STX7: variants seen among roughly 807,000 people sequenced by gnomAD.
STX7 encodes syntaxin-7.
Under a neutral mutation model 39.6 loss-of-function variants are expected in STX7, and 34 were observed. The observed-to-expected ratio is 0.86, with a 90% confidence interval of 0.65 to 1.14. The LOEUF is 1.14. STX7 is among the 50% of genes most tolerant of loss of function. The pLI, the probability that STX7 is intolerant of heterozygous loss-of-function variation, is 0.00. For synonymous variants in STX7, 119 were observed against 99.1 expected, an observed-to-expected ratio of 1.20 and a Z score of -1.19; for missense variants, 284 against 310.4, an observed-to-expected ratio of 0.92 and a Z score of 0.64.
intron 9 of STX7, chr6:132,461,731 C>G (rs1774408600): frequency 6.0e-6 from 7 of 1,167,314 alleles, no homozygotes; most frequent in Non-Finnish European, 5.9e-6. Flanking sequence ...AACCACAGAG[C>G]AAACAAAATC....
Position 132,447,500 on chromosome 6 carries a change from T to C in STX7, c.*13258A>G, listed in dbSNP as rs998351066. On this transcript the variant is annotated 3_prime_UTR_variant, in exon 10 of 10. Transcript: ENST00000367941. The stretch of plus-strand genomic sequence containing the variant: ...CAACTTTGGTTACCATGTTGTTCTA[T>C]TTACTTTTTTGCTGCTCGAGCTAAA... The C allele has an allele frequency of 2.6e-5, 4 of 152,180 alleles. No homozygotes were observed. The highest frequency in any genetic ancestry group is 5.9e-5 in the Non-Finnish European group (4 of 68,026). The allele number at this position is 152,180 out of a possible 1,614,324, so 9.4% of individuals were successfully genotyped here. A position where few individuals can be genotyped will look rare whatever the true frequency, so the allele number is the denominator to read the frequency against.
In STX7 at chr6:132,454,838, T is replaced by C. The variant is rs912188029; in HGVS notation, c.*5920A>G. 9 of 152,146 alleles carry C rather than the reference T, an allele frequency of 5.9e-5. No homozygotes were observed. The highest frequency in any genetic ancestry group is 1.3e-4 in the Non-Finnish European group (9 of 68,014). 9.4% of individuals were successfully genotyped at this position (152,146 alleles called of 1,614,324 possible). On this transcript the variant is annotated 3_prime_UTR_variant, in exon 10 of 10. Transcript: ENST00000367941. ...CAAGATAGAACTAACGTGAATGATA[T>C]ATAACTAAGGTTATCTTACTATTAG...
chr6:132,485,501 G>T (rs1582666186), intron 2 of STX7, among the ~76,000 whole-genome samples: 1 of 152,128 alleles, frequency 6.6e-6, no homozygotes, highest in African/African-American at 2.4e-5. Context: ...CTTTGTATGG[G>T]CATATATTTA....
Position 132,456,086 on chromosome 6 carries a change from T to C in STX7, c.*4672A>G, listed in dbSNP as rs1248179651. The C allele has an allele frequency of 6.6e-6, 1 of 152,186 alleles. No homozygotes were observed. Among genetic ancestry groups the C allele is most frequent in the Non-Finnish European group, 1.5e-5 (1 of 68,036 alleles). 9.4% of individuals were successfully genotyped at this position (152,186 alleles called of 1,614,324 possible). The stretch of plus-strand genomic sequence containing the variant: ...TCTATACATATCCTGTAAATGTCTG[T>C]CCTGATGATCAGGATGCCCAAGCTC... On this transcript the variant is annotated 3_prime_UTR_variant, in exon 10 of 10. Transcript: ENST00000367941.
At position 132,468,125 on chromosome 6, in the gene STX7, T is replaced by A. The variant is rs184969012; in HGVS notation, c.610+278A>T. Among the ~76,000 whole-genome samples the A allele has an allele frequency of 1.1e-4, 16 of 152,330 alleles. No individual in the cohort carries two copies. The East Asian group carries it at 3.1e-3, about 29-fold the overall frequency. ...CCCTGGAAATAAGCTGGAATAATGT[T>A]TCATGGTGCCTTCCATGGTCTTGGC... On this transcript the variant is annotated intron_variant, in intron 8 of 9. Transcript: ENST00000367941.
In STX7 at chr6:132,458,517, T is replaced by C. The variant is rs2114337355; in HGVS notation, c.*2241A>G. 1 of 152,340 alleles carries C rather than the reference T, an allele frequency of 6.6e-6. No individual in the cohort carries two copies. Among genetic ancestry groups the C allele is most frequent in the Middle Eastern group, 3.4e-3 (1 of 294 alleles). The allele number at this position is 152,340 out of a possible 1,614,324, so 9.4% of individuals were successfully genotyped here. A position where few individuals can be genotyped will look rare whatever the true frequency, so the allele number is the denominator to read the frequency against. ...TTTTGAGCACACAAAAACAAATGTA[T>C]AGTCACTTGATGAGGAAATTCTTCA... On this transcript the variant is annotated 3_prime_UTR_variant, in exon 10 of 10. Transcript: ENST00000367941.
intron 2 of STX7, among the ~76,000 whole-genome samples, chr6:132,496,735 C>T (rs1016399080): frequency 6.6e-6 from 1 of 152,116 alleles, no homozygotes; most frequent in Non-Finnish European, 1.5e-5. Context: ...TTGGAAGGTT[C>T]GAGAGCTTAC....
At chr6:132,485,583 A>G (rs1283422162) in intron 2 of STX7, among the ~76,000 whole-genome samples, 1 of 152,230 alleles carries the variant, frequency 6.6e-6, no homozygotes, top group African/African-American at 2.4e-5. Context: ...GCTTTCTTAA[A>G]TCAGTCAAAC....
intron 1 of STX7, among the ~76,000 whole-genome samples, chr6:132,510,611 T>C (rs573303578): frequency 6.6e-6 from 1 of 152,352 alleles, no homozygotes; most frequent in Non-Finnish European, 1.5e-5. Context: ...ACTAGACACC[T>C]TTCAAATGTT....
chr6:132,480,138 G>A (rs912289517), intron 2 of STX7, among the ~76,000 whole-genome samples: 3 of 152,080 alleles, frequency 2.0e-5, no homozygotes, highest in East Asian at 1.9e-4. Context: ...CAATCAAGGT[G>A]TTCCACACAC....
At chr6:132,512,168 A>G (rs1329572624) in intron 1 of STX7, among the ~76,000 whole-genome samples, 1 of 152,214 alleles carries the variant, frequency 6.6e-6, no homozygotes, top group African/African-American at 2.4e-5. Flanking sequence ...TTTCATAATT[A>G]CTTTCTTTTC....
intron 2 of STX7, among the ~76,000 whole-genome samples, chr6:132,477,992 A>C (rs1774916222): frequency 6.6e-6 from 1 of 152,184 alleles, no homozygotes; most frequent in Non-Finnish European, 1.5e-5. Context: ...AAAGCAGTTG[A>C]GAATATAATT....
In STX7 at chr6:132,452,554, T is replaced by C. The variant is rs749966522; in HGVS notation, c.*8204A>G. The C allele has an allele frequency of 5.6e-4, 85 of 152,150 alleles. No individual in the cohort carries two copies. The highest frequency in any genetic ancestry group is 2.0e-3 in the African/African-American group (83 of 41,546). The allele number at this position is 152,150 out of a possible 1,614,324, so 9.4% of individuals were successfully genotyped here. On this transcript the variant is annotated 3_prime_UTR_variant, in exon 10 of 10. Transcript: ENST00000367941. ...CTCAATAAGGTCTCAGTATACAAAA[T>C]AGAAAAATTCACTTTATTTCTATGT...
intron 2 of STX7, among the ~76,000 whole-genome samples, chr6:132,484,166 C>T (rs910244319): frequency 6.6e-6 from 1 of 152,202 alleles, no homozygotes; most frequent in African/African-American, 2.4e-5. Context: ...ATCTGTACCA[C>T]TACTCACTTC....
chr6:132,482,695 T>C lies in STX7; in HGVS notation c.86-7033A>G, dbSNP rs1435179235. Among the ~76,000 whole-genome samples the C allele has an allele frequency of 2.0e-5, 3 of 152,258 alleles. No homozygotes were observed. The East Asian group carries it at 5.8e-4, about 29-fold the overall frequency. ...GAAGAAGTAATTTGAAGGAGTTGAA[T>C]TGAGATGTTAGATGTTTCCAGCAGT... On this transcript the variant is annotated intron_variant, in intron 2 of 9. Coordinates refer to ENST00000367941, the MANE Select transcript of STX7 (RefSeq NM_003569.3).
chr6:132,511,355 C>T (rs2114494899), intron 1 of STX7, among the ~76,000 whole-genome samples: 1 of 152,332 alleles, frequency 6.6e-6, no homozygotes, highest in Admixed American at 6.5e-5. Context: ...GGCTCCTTCT[C>T]CCCAGCAAGG....
At chr6:132,470,985 AAT>A (rs1486325454) in intron 5 of STX7, among the ~76,000 whole-genome samples, 1 of 152,304 alleles carries the variant, frequency 6.6e-6, no homozygotes, top group Non-Finnish European at 1.5e-5. Context: ...GGGAATTTAA[AAT>A]TAGATTAATT....
chr6:132,461,902 T>C, intron 9 of STX7: 1 of 1,475,180 alleles, frequency 6.8e-7, no homozygotes, highest in Non-Finnish European at 9.2e-7. Flanking sequence ...TTGTGTCAAG[T>C]AGAAGTACCA....
At position 132,457,381 on chromosome 6, in the gene STX7, G is replaced by A. The variant is rs1002423978; in HGVS notation, c.*3377C>T. 7 of 152,114 alleles carry A rather than the reference G, an allele frequency of 4.6e-5. No individual in the cohort carries two copies. Among genetic ancestry groups the A allele is most frequent in the African/African-American group, 1.7e-4 (7 of 41,408 alleles). The allele number at this position is 152,114 out of a possible 1,614,324, so 9.4% of individuals were successfully genotyped here. Reference sequence around the variant, plus strand: ...ATAATCGTGCATGTCTGGCAACCAGGTAATTTCTTTCCTATCTTTCATGTC... The same window carrying A: ...ATAATCGTGCATGTCTGGCAACCAGATAATTTCTTTCCTATCTTTCATGTC... On this transcript the variant is annotated 3_prime_UTR_variant, in exon 10 of 10. Transcript: ENST00000367941.
Sources: allele counts gnomAD v4.1 joint callset (sites outside exome capture counted in the v4.1 genomes callset), GRCh38; gene constraint gnomAD v4.1.1; transcripts MANE v1.5; gene names NCBI Gene and HGNC (gene_info 2026-07-23, HGNC 2026-07-21).